Variants in MYRIP observed in about 807,000 individuals in gnomAD.
The protein encoded by MYRIP is rab effector MyRIP.
MYRIP carries 49 observed loss-of-function variants against 98.0 expected under a neutral mutation model. The ratio of observed to expected loss-of-function variants is 0.50; its 90% CI spans 0.40 to 0.63. MYRIP has a LOEUF of 0.63. MYRIP is among the 30% of genes least tolerant of loss of function. MYRIP has a pLI of 0.00. For missense variants in MYRIP, 1,004 were observed against 1,058.2 expected (o/e 0.95, Z 0.71); for synonymous variants, 404 against 409.5 (o/e 0.99, Z 0.16).
chr3:39,957,865 A>G (rs561564215), intron 2 of MYRIP, among the ~76,000 whole-genome samples: 1 of 152,208 alleles, frequency 6.6e-6, no homozygotes, highest in African/African-American at 2.4e-5. Flanking sequence ...AACAATCACA[A>G]GCATTCCTAT....
At chr3:39,975,320 C>T (rs570446840) in intron 2 of MYRIP, among the ~76,000 whole-genome samples, 112 of 152,094 alleles carry the variant, frequency 7.4e-4, no homozygotes, top group African/African-American at 2.5e-3. Context: ...GAATAAAATA[C>T]CTAGGAATCC....
chr3:40,023,538 A>G (rs1559368544), intron 2 of MYRIP, among the ~76,000 whole-genome samples: 1 of 152,002 alleles, frequency 6.6e-6, no homozygotes, highest in Non-Finnish European at 1.5e-5. Flanking sequence ...CTTACTACTG[A>G]TGGGACCCCC....
rs1281248324 is a variant in MYRIP, at chr3:40,089,350, A to C, written c.332+45079A>C. Among the ~76,000 whole-genome samples, 3 of 152,320 alleles carry C rather than the reference A, an allele frequency of 2.0e-5. No homozygotes were observed. In the East Asian group the frequency reaches 5.8e-4, roughly 29 times the overall value. ...ATTGTGTTATTTTAAACTTTCAACT[A>C]TCCATGAGGTGTGTGGAGCCATTAT... On this transcript the variant is annotated intron_variant, in intron 3 of 16. Coordinates refer to ENST00000302541, the MANE Select transcript of MYRIP (RefSeq NM_015460.4).
At chr3:40,219,701 A>G (rs1952267726) in intron 11 of MYRIP, among the ~76,000 whole-genome samples, 1 of 152,130 alleles carries the variant, frequency 6.6e-6, no homozygotes, top group Non-Finnish European at 1.5e-5. Flanking sequence ...TCCATGGTGT[A>G]TATGTGCCAC....
chr3:40,216,651 CA>C (rs1261035694), intron 11 of MYRIP, among the ~76,000 whole-genome samples: 1 of 152,080 alleles, frequency 6.6e-6, no homozygotes, highest in Non-Finnish European at 1.5e-5. Context: ...TTTTTAAAAG[CA>C]CATCATAATC....
chr3:40,077,016 A>G (rs1948358248), intron 3 of MYRIP, among the ~76,000 whole-genome samples: 1 of 152,174 alleles, frequency 6.6e-6, no homozygotes. Flanking sequence ...ACTGACTTCA[A>G]GAATGAAGCC....
intron 3 of MYRIP, among the ~76,000 whole-genome samples, chr3:40,125,159 C>T (rs1559410648): frequency 6.6e-6 from 1 of 152,198 alleles, no homozygotes; most frequent in African/African-American, 2.4e-5. Flanking sequence ...CCAGATGGAG[C>T]TCAAATCCCA....
chr3:40,242,998 A>G lies in MYRIP; in HGVS notation c.2101-1448A>G, dbSNP rs144696011. On this transcript the variant is annotated intron_variant, in intron 12 of 16. Coordinates refer to ENST00000302541, the MANE Select transcript of MYRIP (RefSeq NM_015460.4). ...CATTTCTTGCTTTAAAAACAAAAAT[A>G]AATGGCTAAGATTAAATTGTGAAGA... is the stretch of plus-strand genomic sequence containing the variant. Among the ~76,000 whole-genome samples, 1,289 of 152,382 alleles carry G rather than the reference A, an allele frequency of 8.5e-3. 8 individuals carry two copies. Among genetic ancestry groups the G allele is most frequent in the Non-Finnish European group, 0.011 (723 of 68,042 alleles).
At chr3:39,900,712 C>G (rs1405743546) in intron 1 of MYRIP, 75 bp from the exon 2 acceptor site, 17 of 786,982 alleles carry the variant, frequency 2.2e-5, no homozygotes, top group Non-Finnish European at 3.6e-5. Context: ...ATATTTAACT[C>G]TATTTTAATA....
intron 16 of MYRIP, among the ~76,000 whole-genome samples, chr3:40,257,055 G>T (rs1362284437): frequency 1.3e-5 from 2 of 152,182 alleles, no homozygotes. Context: ...GCCAAGCAAG[G>T]TGGCTCACAC....
chr3:40,115,518 A>G (rs1452970872), intron 3 of MYRIP, among the ~76,000 whole-genome samples: 1 of 151,984 alleles, frequency 6.6e-6, no homozygotes, highest in African/African-American at 2.4e-5. Flanking sequence ...GCAGGAAACC[A>G]CTCCCATGAT....
At chr3:39,813,722 T>G (rs1055923087) in intron 1 of MYRIP, among the ~76,000 whole-genome samples, 30 of 152,186 alleles carry the variant, frequency 2.0e-4, no homozygotes, top group African/African-American at 7.0e-4. Context: ...GCCACTTAAG[T>G]GTAAGTATGG....
intron 4 of MYRIP, among the ~76,000 whole-genome samples, chr3:40,152,465 C>A (rs1433771905): frequency 1.3e-5 from 2 of 152,146 alleles, no homozygotes; most frequent in Non-Finnish European, 2.9e-5. Flanking sequence ...ATTTTTATTT[C>A]TTTCCCCTTC....
At chr3:39,887,459 C>T (rs1216198085) in intron 1 of MYRIP, among the ~76,000 whole-genome samples, 1 of 151,650 alleles carries the variant, frequency 6.6e-6, no homozygotes, top group African/African-American at 2.4e-5. Flanking sequence ...TAATAAAGGC[C>T]TTTGACAAAA....
intron 2 of MYRIP, among the ~76,000 whole-genome samples, chr3:39,942,435 A>G (rs1007261767): frequency 2.0e-5 from 3 of 152,114 alleles, no homozygotes; most frequent in Non-Finnish European, 4.4e-5. Flanking sequence ...GATTTTATAG[A>G]AATAGGAATT....
chr3:40,136,802 G>A (rs4676468), intron 3 of MYRIP, among the ~76,000 whole-genome samples: 13,779 of 152,128 alleles, frequency 0.091, 1,323 homozygotes, highest in African/African-American at 0.23. Context: ...ATAACGAAAT[G>A]AAGGCAGAAA....
At chr3:39,930,672 T>C (rs967439945) in intron 2 of MYRIP, among the ~76,000 whole-genome samples, 1 of 152,088 alleles carries the variant, frequency 6.6e-6, no homozygotes. Flanking sequence ...TAAATTGAGG[T>C]CTTTGGTCCA....
intron 2 of MYRIP, among the ~76,000 whole-genome samples, chr3:40,007,199 A>G (rs1946653505): frequency 6.6e-6 from 1 of 152,192 alleles, no homozygotes; most frequent in East Asian, 1.9e-4. Flanking sequence ...GTACAGGCTA[A>G]TGCATCCAGC....
chr3:40,167,396 G>C (rs979884589), intron 7 of MYRIP, among the ~76,000 whole-genome samples, 157 bp downstream of exon 7: 13 of 152,172 alleles, frequency 8.5e-5, no homozygotes, highest in African/African-American at 3.1e-4. Context: ...CCCATGCAGA[G>C]GGAATGCATC....
Sources: allele counts gnomAD v4.1 joint callset (sites outside exome capture counted in the v4.1 genomes callset), GRCh38; gene constraint gnomAD v4.1.1; transcripts MANE v1.5; gene names NCBI Gene and HGNC (gene_info 2026-07-23, HGNC 2026-07-21).